The following F8 variants were observed in gnomAD, a reference collection of about 807,000 sequenced individuals.
F8 encodes coagulation factor VIII, also known as antihemophilic factor.
F8 carries 12 observed loss-of-function variants against 140.6 expected under a neutral mutation model. The observed-to-expected ratio is 0.09, with a 90% CI of 0.05 to 0.14. The LOEUF is 0.14. Ranked by LOEUF, F8 falls within the 10% of genes least tolerant of loss-of-function variation. The probability of loss-of-function intolerance (pLI) is 1.00; values close to 1 mark genes in which losing one functional copy is unlikely to be tolerated. For missense variants in F8, 1,354 were observed against 1,720.7 expected, an observed-to-expected ratio of 0.79 and a Z score of 3.77; for synonymous variants, 585 against 614.6, an observed-to-expected ratio of 0.95 and a Z score of 0.71.
intron 22 of F8, among the ~76,000 whole-genome samples, chrX:154,871,518 C>A (rs1285466713): frequency 8.9e-6 from 1 of 112,055 alleles, no homozygotes; most frequent in African/African-American, 3.2e-5. Context: ...AACTGGATCC[C>A]TTCCTTACAC....
chrX:154,962,572 C>G (rs1243414028), intron 9 of F8, among the ~76,000 whole-genome samples: 1 of 111,622 alleles, frequency 9.0e-6, no homozygotes, highest in East Asian at 2.8e-4. Context: ...CTGATTGCAC[C>G]AGCTTTAAAA....
At chrX:154,923,269 T>C (rs2073141433) in intron 14 of F8, among the ~76,000 whole-genome samples, 1 of 112,377 alleles carries the variant, frequency 8.9e-6, no homozygotes, top group Non-Finnish European at 1.9e-5. Flanking sequence ...GAAGTGACAC[T>C]GTATCCTCTC....
chrX:154,835,811 T>C lies in F8; in HGVS notation c.*1786A>G, dbSNP rs2072470896. 8.9e-6 allele frequency: 1 copy of C among 112,610 alleles called. No individual in the cohort carries two copies. Among genetic ancestry groups the C allele is most frequent in the Admixed American group, 9.4e-5 (1 of 10,656 alleles). The allele number at this position is 112,610 out of a possible 1,213,427, so 9.3% of individuals were successfully genotyped here. A position where few individuals can be genotyped will look rare whatever the true frequency, so the allele number is the denominator to read the frequency against. On this transcript the variant is annotated 3_prime_UTR_variant, in exon 26 of 26. Transcript: ENST00000360256. ...CATTTGTTTGTATGTGTCAATGTTTTATTTAACTCATTACTGAAGAAACCA... is the reference window on the plus strand; with the variant it reads ...CATTTGTTTGTATGTGTCAATGTTTCATTTAACTCATTACTGAAGAAACCA...
At chrX:154,843,135 T>C (rs1330305695) in intron 25 of F8, among the ~76,000 whole-genome samples, 1 of 112,295 alleles carries the variant, frequency 8.9e-6, no homozygotes, top group East Asian at 2.8e-4. Flanking sequence ...AGATCCTTTT[T>C]ATGGCTGCAT....
rs781850039 is a variant in F8 at position 154,931,351 on chromosome X, C to T, written c.2439G>A (p.Leu813=). The change falls in exon 14 of 26, where the codon TTG becomes TTA. Residue 813 remains leucine, a synonymous_variant. Coordinates refer to ENST00000360256, the MANE Select transcript of F8 (RefSeq NM_000132.4). ...GCCCATGTGGAGTAGGACTCTGTCG[C>T]AAGAGCATCAACAAATCACTAGAGG... is the stretch of plus-strand genomic sequence containing the variant. The part of the protein sequence containing the change: ...NVSSSDLLML[L]RQSPTPHGLS... 9 of 1,208,874 alleles carry T rather than the reference C, an allele frequency of 7.4e-6. No homozygotes were observed. The highest frequency in any genetic ancestry group is 1.0e-5 in the Non-Finnish European group (9 of 894,300).
chrX:154,980,642 C>T (rs1557283449), intron 6 of F8, among the ~76,000 whole-genome samples: 1 of 112,092 alleles, frequency 8.9e-6, no homozygotes, highest in Non-Finnish European at 1.9e-5. Context: ...TTTGTGACTG[C>T]TCTATTTCAG....
chrX:154,999,473 C>T lies in F8; in HGVS notation c.265+6G>A, dbSNP rs782135694. The T allele has an allele frequency of 7.5e-6, 9 of 1,202,346 alleles. No homozygotes were observed. Among genetic ancestry groups the T allele is most frequent in the Non-Finnish European group, 1.0e-5 (9 of 890,105 alleles). On this transcript the variant is annotated splice_donor_region_variant and intron_variant, in intron 2 of 25. Coordinates refer to ENST00000360256, the MANE Select transcript of F8 (RefSeq NM_000132.4). The stretch of plus-strand genomic sequence containing the variant: ...CATAAATAGCATTCAACATTGTTTT[C>T]ATTACCCATCCAGGGTGGCCTTGGC...
chrX:154,915,250 G>A (rs2073089969), intron 14 of F8, among the ~76,000 whole-genome samples: 1 of 111,860 alleles, frequency 8.9e-6, no homozygotes, highest in Non-Finnish European at 1.9e-5. Flanking sequence ...GACATGTGGG[G>A]ATTATGGGAA....
chrX:154,949,278 T>C (rs782566150), intron 12 of F8, among the ~76,000 whole-genome samples: 1 of 112,024 alleles, frequency 8.9e-6, no homozygotes, highest in Non-Finnish European at 1.9e-5. Flanking sequence ...CAGCCGATTA[T>C]AGCAGCTGAA....
chrX:154,866,896 T>A (rs1470486602), intron 22 of F8, among the ~76,000 whole-genome samples: 2 of 109,325 alleles, frequency 1.8e-5, no homozygotes, highest in Non-Finnish European at 3.8e-5. Context: ...CAATTGGAAA[T>A]AACTGACAAA....
chrX:154,943,243 T>C (rs1406954317), intron 13 of F8, among the ~76,000 whole-genome samples: 6 of 111,881 alleles, frequency 5.4e-5, no homozygotes, highest in Non-Finnish European at 1.1e-4. Context: ...TGTTTGCAGA[T>C]GTCAGGATTG....
rs2073315379 is a variant in F8, at chrX:154,947,901, T to C, written c.1910A>G (p.Asn637Ser). The C allele has an allele frequency of 8.3e-7, 1 of 1,206,555 alleles. No homozygotes were observed. Among genetic ancestry groups the C allele is most frequent in the Non-Finnish European group, 1.1e-6 (1 of 890,780 alleles). Residue 637 changes from asparagine (N) to serine (S), a missense_variant, in exon 13 of 26, where the codon AAT (asparagine) becomes AGT (serine). By Grantham distance (46) the Asn-to-Ser change is conservative. This residue lies in a region of F8 where 252 missense variants were observed against 338.5 expected (regional missense o/e 0.74). Coordinates refer to ENST00000360256, the MANE Select transcript of F8 (RefSeq NM_000132.4). ...CTGCAAACTATCAAAAACATAGCCA[T>C]TGATGCCTGCAAAAACAATGGGGAA... ...FQASNIMHSINGYVFDSLQLS... is the reference protein window; with the variant it reads ...FQASNIMHSISGYVFDSLQLS...
chrX:154,923,274 C>A (rs1205686709), intron 14 of F8, among the ~76,000 whole-genome samples: 2 of 112,132 alleles, frequency 1.8e-5, no homozygotes. Context: ...GACACTGTAT[C>A]CTCTCTTGGC....
intron 4 of F8, among the ~76,000 whole-genome samples, chrX:154,988,762 G>A: frequency 1.8e-5 from 2 of 111,836 alleles, no homozygotes; most frequent in Middle Eastern, 4.6e-3. Flanking sequence ...CCCTCTTCTA[G>A]GACTCTGAGT....
rs1288957215 is a variant in F8, at chrX:154,888,406, T to TTC, written c.6429+7670_6429+7671insGA. Among the ~76,000 whole-genome samples, 14 of 73,723 alleles carry TTC rather than the reference T, an allele frequency of 1.9e-4. 1 individual carries two copies. The highest frequency in any genetic ancestry group is 3.8e-4 in the East Asian group (1 of 2,598). The allele number at this position is 73,723 out of a possible 115,157, so 64.0% of individuals were successfully genotyped here. On this transcript the variant is annotated intron_variant, in intron 22 of 25. Transcript: ENST00000360256. ...TTTTTTTTTTTTTTTTTTTTTTTTT[T>TTC]CCCCCCGAGATGGAGTCTCACTCTG...
intron 1 of F8, among the ~76,000 whole-genome samples, chrX:155,000,278 T>G (rs782143209): frequency 1.2e-3 from 129 of 112,068 alleles, no homozygotes; most frequent in Non-Finnish European, 2.0e-3. Flanking sequence ...CGCCAAATAA[T>G]CAAAAGGACC....
intron 25 of F8, among the ~76,000 whole-genome samples, chrX:154,858,844 G>A (rs996233725): frequency 1.5e-4 from 17 of 112,562 alleles, no homozygotes; most frequent in Non-Finnish European, 1.5e-4. Flanking sequence ...ACATTGACAA[G>A]GGGTGGACTT....
chrX:154,870,638 A>C (rs2072766919), intron 22 of F8, among the ~76,000 whole-genome samples: 1 of 112,064 alleles, frequency 8.9e-6, no homozygotes, highest in South Asian at 3.7e-4. Flanking sequence ...AACTGGCACA[A>C]GACAGGGATG....
intron 22 of F8, among the ~76,000 whole-genome samples, chrX:154,872,501 G>GAACACATGGA (rs1764254579): frequency 1.2e-5 from 1 of 86,285 alleles, no homozygotes; most frequent in Non-Finnish European, 2.1e-5. Context: ...TGAACAATGA[G>GAACACATGGA]AACACATGGA....
Sources: gnomAD v4.1 joint callset for allele counts (sites outside exome capture counted in the v4.1 genomes callset) on GRCh38, gnomAD v4.1.1 for gene constraint, gnomAD v4.1.1 regional missense constraint, MANE v1.5 for transcripts, NCBI Gene and HGNC (gene_info 2026-07-23, HGNC 2026-07-21) for gene names.